Variants in NPAS1 observed in about 807,000 individuals in gnomAD.
NPAS1 encodes neuronal PAS domain-containing protein 1.
NPAS1 carries 29 observed loss-of-function variants against 49.2 expected under a neutral mutation model. That is an observed-to-expected ratio of 0.59 (90% CI 0.44 to 0.80). The LOEUF is 0.80. NPAS1 is among the 30% of genes least tolerant of loss of function. The probability of loss-of-function intolerance (pLI) is 0.00; values close to 1 mark genes in which losing one functional copy is unlikely to be tolerated. For missense variants in NPAS1, 825 were observed against 835.5 expected, an observed-to-expected ratio of 0.99 and a Z score of 0.15; for synonymous variants, 408 against 380.4, an observed-to-expected ratio of 1.07 and a Z score of -0.84.
intron 5 of NPAS1, among the ~76,000 whole-genome samples, chr19:47,034,501 T>C (rs1420200194): frequency 2.0e-5 from 3 of 152,052 alleles, no homozygotes; most frequent in African/African-American, 4.8e-5. Flanking sequence ...AACTTGTGAG[T>C]ACCTTTTCAG....
Position 47,032,661 on chromosome 19 carries a change from T to C in NPAS1, c.451T>C (p.Phe151Leu). Residue 151 changes from phenylalanine (F) to leucine (L), a missense_variant, in exon 5 of 12, where the codon TTC becomes CTC. By Grantham distance (22) the Phe-to-Leu change is conservative. Coordinates refer to ENST00000602212, the MANE Select transcript of NPAS1 (RefSeq NM_002517.4). Reference sequence around the variant, plus strand: ...GCTCTAGTCCCTGGATGGCTTTGTGTTCGCCTTGAACCAGGAAGGAAAATT... The same window carrying C: ...GCTCTAGTCCCTGGATGGCTTTGTGCTCGCCTTGAACCAGGAAGGAAAATT... The part of the protein sequence containing the change: ...HILQSLDGFV[F>L]ALNQEGKFLY... The C allele has an allele frequency of 1.2e-6, 2 of 1,614,120 alleles. No individual in the cohort carries two copies. Among genetic ancestry groups the C allele is most frequent in the Middle Eastern group, 1.6e-4 (1 of 6,062 alleles).
chr19:47,032,630 C>G lies in NPAS1; in HGVS notation c.433-13C>G. ...GTCCTCTCCTTCCCCCTCCCTGTCT[C>G]TCCCGGCTCTAGTCCCTGGATGGCT... is the stretch of plus-strand genomic sequence containing the variant. On this transcript the variant is annotated splice_polypyrimidine_tract_variant and intron_variant, in intron 4 of 11. Coordinates refer to ENST00000602212, the MANE Select transcript of NPAS1 (RefSeq NM_002517.4). 6.2e-7 allele frequency: 1 copy of G among 1,612,724 alleles called. No homozygotes were observed. The highest frequency in any genetic ancestry group is 1.1e-5 in the South Asian group (1 of 91,022).
intron 10 of NPAS1, among the ~76,000 whole-genome samples, chr19:47,041,979 C>CAA (rs369320245): frequency 4.2e-5 from 4 of 96,122 alleles, no homozygotes; most frequent in South Asian, 3.9e-4. Context: ...GACCCTGTCT[C>CAA]AAAAAAAAAA....
intron 3 of NPAS1, among the ~76,000 whole-genome samples, chr19:47,031,284 C>T (rs1181000199): frequency 1.3e-5 from 2 of 150,802 alleles, no homozygotes; most frequent in South Asian, 2.1e-4. Flanking sequence ...CTGCAACCTC[C>T]GCTTCCCAGG....
In NPAS1 at chr19:47,045,173, A is replaced by G. The variant is rs1265307334; in HGVS notation, c.1313-18A>G. 1 of 1,610,538 alleles carries G rather than the reference A, an allele frequency of 6.2e-7. No homozygotes were observed. Among genetic ancestry groups the G allele is most frequent in the Non-Finnish European group, 8.5e-7 (1 of 1,178,644 alleles). On this transcript the variant is annotated intron_variant, in intron 11 of 11. Transcript: ENST00000602212. Reference sequence around the variant, plus strand: ...GGGCTGGGGACACACACAGGCCCTCAGCATCTTCCTCTTCCAGAGCCGGAG... The same window carrying G: ...GGGCTGGGGACACACACAGGCCCTCGGCATCTTCCTCTTCCAGAGCCGGAG...
chr19:47,032,466 G>A, intron 4 of NPAS1, 115 bp downstream of exon 4: 1 of 1,243,700 alleles, frequency 8.0e-7, no homozygotes, highest in Non-Finnish European at 1.2e-6. Context: ...GACTGGGAAG[G>A]CGAATGCTCA....
chr19:47,029,898 G>A lies in NPAS1; in HGVS notation c.359-2380G>A, dbSNP rs186880454. On this transcript the variant is annotated intron_variant, in intron 3 of 11. Transcript: ENST00000602212. ...TTCCATGTTAACTTATTGAGAAACC[G>A]TCAAATTGTTTTCCACAGTGGCTGT... is the stretch of plus-strand genomic sequence containing the variant. Among the ~76,000 whole-genome samples, 14 of 152,324 alleles carry A rather than the reference G, an allele frequency of 9.2e-5. No homozygotes were observed. In the South Asian group the frequency reaches 1.4e-3, roughly 16 times the overall value.
intron 11 of NPAS1, 35 bp from the exon 12 acceptor site, chr19:47,045,156 G>A (rs1555773713): frequency 6.3e-7 from 1 of 1,598,506 alleles, no homozygotes; most frequent in Non-Finnish European, 8.5e-7. Context: ...GAGGGCTGGG[G>A]ACACACACAG....
chr19:47,031,489 C>T (rs975668072), intron 3 of NPAS1, among the ~76,000 whole-genome samples: 18 of 151,042 alleles, frequency 1.2e-4, no homozygotes, highest in Middle Eastern at 3.2e-3. Flanking sequence ...TGAGCCACCT[C>T]GCCCAGCCTG....
Position 47,021,017 on chromosome 19 carries a change from C to T in NPAS1, c.-31C>T, listed in dbSNP as rs1298146104. ...CCCTCCCGCTGCAGGAGACTCGGGG[C>T]TCGGAGCCCGCCTGAGCGAGCCCCC... On this transcript the variant is annotated 5_prime_UTR_variant, in exon 2 of 12. Transcript: ENST00000602212. The surrounding 1 kb of genome is among the most constrained non-coding windows in gnomAD (Gnocchi z 5.7). 1.3e-6 allele frequency: 2 copies of T among 1,574,606 alleles called. No homozygotes were observed. Among genetic ancestry groups the T allele is most frequent in the African/African-American group, 2.7e-5 (2 of 73,414 alleles).
chr19:47,024,053 C>T (rs991030967), intron 3 of NPAS1, among the ~76,000 whole-genome samples: 3 of 151,396 alleles, frequency 2.0e-5, no homozygotes, highest in Non-Finnish European at 2.9e-5. Flanking sequence ...TGCAGTGAGC[C>T]GAGATCACAC....
At position 47,021,467 on chromosome 19, in the gene NPAS1, G is replaced by A. The variant is rs959903888; in HGVS notation, c.123-145G>A. 5 of 592,688 alleles carry A rather than the reference G, an allele frequency of 8.4e-6. No homozygotes were observed. The highest frequency in any genetic ancestry group is 1.4e-5 in the Non-Finnish European group (5 of 352,726). 36.7% of individuals were successfully genotyped at this position (592,688 alleles called of 1,614,324 possible). ...GGTCGGAGTGTAAAATCCACACTCCGGTCTGCTCCCACCTCCAGAGATGTG... is the reference window on the plus strand; with the variant it reads ...GGTCGGAGTGTAAAATCCACACTCCAGTCTGCTCCCACCTCCAGAGATGTG... On this transcript the variant is annotated intron_variant, in intron 2 of 11. Coordinates refer to ENST00000602212, the MANE Select transcript of NPAS1 (RefSeq NM_002517.4). This position sits in a 1 kb window ranked among gnomAD's most constrained non-coding sequence, Gnocchi z 5.7.
chr19:47,040,040 G>C (rs1388351064), intron 8 of NPAS1, among the ~76,000 whole-genome samples: 2 of 151,968 alleles, frequency 1.3e-5, no homozygotes, highest in Admixed American at 6.6e-5. Flanking sequence ...TTGTTTGTTT[G>C]TTTTGAGATG....
Position 47,045,424 on chromosome 19 carries a change from C to A in NPAS1, c.1546C>A (p.Pro516Thr), listed in dbSNP as rs747338082. 1 of 1,606,002 alleles carries A rather than the reference C, an allele frequency of 6.2e-7. No homozygotes were observed. Among genetic ancestry groups the A allele is most frequent in the African/African-American group, 1.3e-5 (1 of 74,702 alleles). The change falls in exon 12 of 12, where the codon CCC (proline) becomes ACC (threonine). Residue 516 changes from proline to threonine, a missense_variant. Physicochemically the swap from Pro to Thr is conservative, Grantham distance 38. Transcript: ENST00000602212. ...GGTGCGGCCATGGGGCCTGGCGCCT[C>A]CCGGGGACCCCCCGCCCACCCTCCT... ...DPVRPWGLAPPGDPPPTLLHA... is the reference protein window; with the variant it reads ...DPVRPWGLAPTGDPPPTLLHA...
At chr19:47,038,929 G>C in intron 6 of NPAS1, 107 bp from the exon 7 acceptor site, 1 of 913,982 alleles carries the variant, frequency 1.1e-6, no homozygotes, top group Non-Finnish European at 1.8e-6. Context: ...TGCGGCCGTG[G>C]CCCAGCGGAC....
At position 47,021,055 on chromosome 19, in the gene NPAS1, C is replaced by T; in HGVS notation, c.8C>T (p.Ala3Val). Residue 3 changes from alanine to valine, a missense_variant, in exon 2 of 12, where the codon GCC (alanine) becomes GTC (valine). Physicochemically the swap from Ala to Val is moderately conservative, Grantham distance 64 (BLOSUM62 0). Coordinates refer to ENST00000602212, the MANE Select transcript of NPAS1 (RefSeq NM_002517.4). This position sits in a 1 kb window ranked among gnomAD's most constrained non-coding sequence, Gnocchi z 5.7. MA[A>V]PYPGSGGGSE... ...TGAGCGAGCCCCCCGGAGATGGCGG[C>T]CCCCTATCCCGGCAGTGGCGGCGGA... The T allele has an allele frequency of 1.9e-6, 3 of 1,604,692 alleles. No homozygotes were observed. The highest frequency in any genetic ancestry group is 2.5e-6 in the Non-Finnish European group (3 of 1,176,848).
intron 3 of NPAS1, among the ~76,000 whole-genome samples, chr19:47,028,937 G>A (rs113538204): frequency 0.011 from 1,657 of 152,220 alleles, 29 homozygotes; most frequent in African/African-American, 0.037. Context: ...CCTAGCTCCT[G>A]ACTGTAGGGA....
intron 9 of NPAS1, 171 bp from the exon 10 acceptor site, chr19:47,040,807 C>T (rs2057011994): frequency 3.1e-6 from 2 of 653,924 alleles, no homozygotes; most frequent in Non-Finnish European, 5.1e-6. Flanking sequence ...GGCTACCTCT[C>T]AGTCTCTCTG....
chr19:47,024,572 A>G (rs1455508961), intron 3 of NPAS1, among the ~76,000 whole-genome samples: 2 of 152,208 alleles, frequency 1.3e-5, no homozygotes, highest in African/African-American at 2.4e-5. Flanking sequence ...CCCAAGTTAC[A>G]GAAGTGTGTG....
Sources: allele counts gnomAD v4.1 joint callset (sites outside exome capture counted in the v4.1 genomes callset), GRCh38; gene constraint gnomAD v4.1.1; non-coding constraint Gnocchi (gnomAD v3.1); transcripts MANE v1.5; gene names NCBI Gene and HGNC (gene_info 2026-07-23, HGNC 2026-07-21).